Variants in AAK1 observed in about 807,000 individuals in gnomAD.
AAK1 encodes the protein AP2 associated kinase 1, also known as AP2-associated protein kinase 1.
AAK1 carries 37 observed loss-of-function variants against 116.0 expected under a neutral mutation model. The observed-to-expected ratio is 0.32, with a 90% CI of 0.25 to 0.42. AAK1 has a LOEUF of 0.42. Among genes scored for constraint, AAK1 ranks in the 10% least tolerant of loss-of-function variants. The pLI is 1.00. For missense variants in AAK1, 919 were observed against 1,170.6 expected, an observed-to-expected ratio of 0.79 and a Z score of 3.14; for synonymous variants, 458 against 439.9, an observed-to-expected ratio of 1.04 and a Z score of -0.51.
At chr2:69,535,019 G>A (rs1385001057) in intron 5 of AAK1, among the ~76,000 whole-genome samples, 1 of 152,186 alleles carries the variant, frequency 6.6e-6, no homozygotes, top group Non-Finnish European at 1.5e-5. Context: ...ACACGCCAGG[G>A]ACCCTTAAAT....
rs79794821 is a variant in AAK1 at position 69,535,236 on chromosome 2, C to G, written c.535-3074G>C. 6.0e-3 allele frequency among the ~76,000 whole-genome samples: 914 copies of G among 152,282 alleles called. 8 individuals carry two copies. The highest frequency in any genetic ancestry group is 0.021 in the African/African-American group (858 of 41,544). ...ATTTATCAAAGAAACATGTTTCACA[C>G]AAAGGATAAATGCTTGAGGTGGCAG... On this transcript the variant is annotated intron_variant, in intron 5 of 21. Coordinates refer to ENST00000409085, the MANE Select transcript of AAK1 (RefSeq NM_014911.5).
rs376375156 is a variant in AAK1, at chr2:69,465,809, C to A, written c.*10060G>T. 2.3e-6 allele frequency: 3 copies of A among 1,290,870 alleles called. No homozygotes were observed. Among genetic ancestry groups the A allele is most frequent in the East Asian group, 5.6e-5 (1 of 17,996 alleles). The allele number at this position is 1,290,870 out of a possible 1,614,324, so 80.0% of individuals were successfully genotyped here. ...GTACAGAATGGGACAGGAGGTTAGA[C>A]TGTTGCACAAAACCAGCTGTGGAAT... On this transcript the variant is annotated 3_prime_UTR_variant, in exon 22 of 22. Transcript: ENST00000409085.
rs1484460930 is a variant in AAK1, at chr2:69,460,558, G to T, written c.*15311C>A. The T allele has an allele frequency of 6.6e-6, 1 of 152,324 alleles. No individual in the cohort carries two copies. Among genetic ancestry groups the T allele is most frequent in the South Asian group, 2.1e-4 (1 of 4,828 alleles). 9.4% of individuals were successfully genotyped at this position (152,324 alleles called of 1,614,324 possible). A position where few individuals can be genotyped will look rare whatever the true frequency, so the allele number is the denominator to read the frequency against. ...TATCTTTCTAGAACGTTTAGAAAGAGATCTTAGTTGCCAGAGAAAACTCAG... is the reference window on the plus strand; with the variant it reads ...TATCTTTCTAGAACGTTTAGAAAGATATCTTAGTTGCCAGAGAAAACTCAG... On this transcript the variant is annotated 3_prime_UTR_variant, in exon 22 of 22. Transcript: ENST00000409085.
chr2:69,473,814 C>T lies in AAK1; in HGVS notation c.*2055G>A, dbSNP rs913454254. On this transcript the variant is annotated 3_prime_UTR_variant, in exon 22 of 22. Coordinates refer to ENST00000409085, the MANE Select transcript of AAK1 (RefSeq NM_014911.5). ...TAAACATTTCCTTCATTAATTTATA[C>T]ATTCTTTCTATGTCCAGGAAAGAGA... is the stretch of plus-strand genomic sequence containing the variant. The T allele has an allele frequency of 2.7e-5, 27 of 985,440 alleles. No homozygotes were observed. The highest frequency in any genetic ancestry group is 2.9e-5 in the Non-Finnish European group (24 of 829,666). 61.0% of individuals were successfully genotyped at this position (985,440 alleles called of 1,614,324 possible).
At chr2:69,608,512 A>C (rs1002171032) in intron 2 of AAK1, among the ~76,000 whole-genome samples, 3 of 152,256 alleles carry the variant, frequency 2.0e-5, no homozygotes, top group Admixed American at 2.0e-4. Context: ...TATGATACTT[A>C]AGTAAGTGGT....
At chr2:69,596,984 G>C (rs758252109) in intron 2 of AAK1, among the ~76,000 whole-genome samples, 2 of 152,038 alleles carry the variant, frequency 1.3e-5, no homozygotes, top group Non-Finnish European at 2.9e-5. Flanking sequence ...GTTTTGTTGG[G>C]AAAAGCTACT....
intron 2 of AAK1, among the ~76,000 whole-genome samples, chr2:69,593,441 T>A (rs972367608): frequency 2.0e-5 from 3 of 151,938 alleles, no homozygotes; most frequent in African/African-American, 4.8e-5. Flanking sequence ...AAATTTTTTT[T>A]AAATAAAAAA....
At position 69,467,027 on chromosome 2, in the gene AAK1, G is replaced by C; in HGVS notation, c.*8842C>G. The C allele has an allele frequency of 1.0e-6, 1 of 985,446 alleles. No homozygotes were observed. The highest frequency in any genetic ancestry group is 1.2e-6 in the Non-Finnish European group (1 of 829,930). The allele number at this position is 985,446 out of a possible 1,614,324, so 61.0% of individuals were successfully genotyped here. Reference sequence around the variant, plus strand: ...TGCAGAGGGACAAACTCTCTGAAAAGAAGCAGAATGTGGCTGCTTGATAAA... The same window carrying C: ...TGCAGAGGGACAAACTCTCTGAAAACAAGCAGAATGTGGCTGCTTGATAAA... On this transcript the variant is annotated 3_prime_UTR_variant, in exon 22 of 22. Transcript: ENST00000409085.
Position 69,458,576 on chromosome 2 carries a change from G to T in AAK1, c.*17293C>A, listed in dbSNP as rs1674267075. Reference sequence around the variant, plus strand: ...GCGAAGAACTCCAGTTGTAACTTTTGAGAGTTTTTTTGGCAAAAGGAACTA... The same window carrying T: ...GCGAAGAACTCCAGTTGTAACTTTTTAGAGTTTTTTTGGCAAAAGGAACTA... On this transcript the variant is annotated 3_prime_UTR_variant, in exon 22 of 22. Coordinates refer to ENST00000409085, the MANE Select transcript of AAK1 (RefSeq NM_014911.5). The T allele has an allele frequency of 6.6e-6, 1 of 152,610 alleles. No homozygotes were observed. Among genetic ancestry groups the T allele is most frequent in the African/African-American group, 2.4e-5 (1 of 41,444 alleles). 9.5% of individuals were successfully genotyped at this position (152,610 alleles called of 1,614,324 possible). A position where few individuals can be genotyped will look rare whatever the true frequency, so the allele number is the denominator to read the frequency against.
intron 17 of AAK1, among the ~76,000 whole-genome samples, chr2:69,483,665 C>T (rs1675182137): frequency 6.6e-6 from 1 of 152,310 alleles, no homozygotes; most frequent in South Asian, 2.1e-4. Flanking sequence ...AATTCAACCA[C>T]ACCTAAGCTG....
At chr2:69,506,526 G>T (rs944481224) in intron 15 of AAK1, among the ~76,000 whole-genome samples, 2 of 152,066 alleles carry the variant, frequency 1.3e-5, no homozygotes, top group Admixed American at 1.3e-4. Flanking sequence ...AGGATGCCCA[G>T]CTAATTTTTA....
chr2:69,486,301 C>T (rs1015856872), intron 17 of AAK1, among the ~76,000 whole-genome samples: 6 of 151,978 alleles, frequency 3.9e-5, no homozygotes, highest in South Asian at 2.1e-4. Context: ...GCAAAAAGCA[C>T]GTGGGAGGGT....
chr2:69,485,689 C>T (rs1675269540), intron 17 of AAK1, among the ~76,000 whole-genome samples: 1 of 148,258 alleles, frequency 6.7e-6, no homozygotes, highest in Non-Finnish European at 1.5e-5. Context: ...ATGGGAGTTT[C>T]GCTCTTGTCG....
Position 69,643,589 on chromosome 2 carries a change from C to A in AAK1, c.-249G>T, listed in dbSNP as rs1267167058. The A allele has an allele frequency of 2.4e-6, 3 of 1,228,492 alleles. No individual in the cohort carries two copies. Among genetic ancestry groups the A allele is most frequent in the Admixed American group, 8.5e-5 (2 of 23,598 alleles). 76.1% of individuals were successfully genotyped at this position (1,228,492 alleles called of 1,614,324 possible). ...GCAGCACCCACTTGAGACGGCTCGG[C>A]GGCCGGCGCCCTGCTACCAGCCCCG... On this transcript the variant is annotated 5_prime_UTR_variant, in exon 1 of 22. Coordinates refer to ENST00000409085, the MANE Select transcript of AAK1 (RefSeq NM_014911.5).
At chr2:69,596,199 A>G (rs1189234486) in intron 2 of AAK1, among the ~76,000 whole-genome samples, 2 of 151,636 alleles carry the variant, frequency 1.3e-5, no homozygotes, top group Non-Finnish European at 2.9e-5. Context: ...TCTGTAGCTC[A>G]TGGATCAAGG....
chr2:69,527,403 A>C lies in AAK1; in HGVS notation c.872-84T>G, dbSNP rs556285408. 5 of 914,660 alleles carry C rather than the reference A, an allele frequency of 5.5e-6. No individual in the cohort carries two copies. In the African/African-American group the frequency reaches 8.3e-5, roughly 15 times the overall value. 56.7% of individuals were successfully genotyped at this position (914,660 alleles called of 1,614,324 possible). On this transcript the variant is annotated intron_variant, in intron 8 of 21. Transcript: ENST00000409085. ...AAGCATCATTCCTCTCTCTACTCCC[A>C]ATGTTTTGTTTTTAAACTTTTATTT... is the stretch of plus-strand genomic sequence containing the variant.
intron 2 of AAK1, among the ~76,000 whole-genome samples, chr2:69,578,837 T>A (rs1253467037): frequency 4.0e-5 from 6 of 149,208 alleles, no homozygotes; most frequent in African/African-American, 7.5e-5. Flanking sequence ...GGAGTCTCGC[T>A]CTGTCGCCCA....
chr2:69,626,074 G>A (rs910616530), intron 2 of AAK1, among the ~76,000 whole-genome samples: 7 of 151,938 alleles, frequency 4.6e-5, no homozygotes, highest in Non-Finnish European at 8.8e-5. Flanking sequence ...CCTGTCCAAG[G>A]TTATCTCTGT....
chr2:69,480,839 C>T (rs1675060214), intron 19 of AAK1, 21 bp downstream of exon 19: 2 of 1,569,434 alleles, frequency 1.3e-6, no homozygotes, highest in Non-Finnish European at 1.7e-6. Context: ...GTCCCTGCAG[C>T]TGCAGAGACA....
Sources: gnomAD v4.1 joint callset for allele counts (sites outside exome capture counted in the v4.1 genomes callset) on GRCh38, gnomAD v4.1.1 for gene constraint, MANE v1.5 for transcripts, NCBI Gene and HGNC (gene_info 2026-07-23, HGNC 2026-07-21) for gene names.